The following PTPN13 variants were observed in gnomAD, a reference collection of about 807,000 sequenced individuals.
PTPN13 encodes the protein protein tyrosine phosphatase non-receptor type 13.
Under a neutral mutation model 284.0 loss-of-function variants are expected in PTPN13, and 191 were observed. That is an observed-to-expected ratio of 0.67 (90% CI 0.60 to 0.76). The LOEUF is 0.76. Ranked by LOEUF, PTPN13 falls within the 30% of genes least tolerant of loss-of-function variation. The probability of loss-of-function intolerance (pLI) is 0.00; values close to 1 mark genes in which losing one functional copy is unlikely to be tolerated. For missense variants in PTPN13, 2,797 were observed against 2,939.9 expected, an observed-to-expected ratio of 0.95 and a Z score of 1.12; for synonymous variants, 986 against 1,022.3, an observed-to-expected ratio of 0.96 and a Z score of 0.68.
At chr4:86,810,967 A>T in intron 46 of PTPN13, 79 bp from the exon 47 acceptor site, 1 of 1,378,194 alleles carries the variant, frequency 7.3e-7, no homozygotes, top group South Asian at 1.3e-5. Flanking sequence ...ATTTTACATA[A>T]GCCTCCCCTC....
rs561585573 is a variant in PTPN13, at chr4:86,752,879, T to C, written c.3167-130T>C. On this transcript the variant is annotated intron_variant, in intron 19 of 47. Coordinates refer to ENST00000411767, the MANE Select transcript of PTPN13 (RefSeq NM_080683.3). ...TGAAAATGCCCATTGGAGGATGTTT[T>C]CTCAGTGTAAATACAAAATGTTGCT... 3 of 503,180 alleles carry C rather than the reference T, an allele frequency of 6.0e-6. No homozygotes were observed. In the Admixed American group the frequency reaches 1.1e-4, roughly 18 times the overall value. 31.2% of individuals were successfully genotyped at this position (503,180 alleles called of 1,614,324 possible).
chr4:86,734,514 A>G, intron 13 of PTPN13, 58 bp downstream of exon 13: 6 of 1,398,384 alleles, frequency 4.3e-6, no homozygotes, highest in Non-Finnish European at 5.7e-6. Context: ...TTGACCCTTT[A>G]GCTTACTGAT....
At position 86,785,829 on chromosome 4, in the gene PTPN13, C is replaced by T. The variant is rs558440877; in HGVS notation, c.6257-19C>T. The T allele has an allele frequency of 6.9e-6, 10 of 1,459,852 alleles. No individual in the cohort carries two copies. The highest frequency in any genetic ancestry group is 1.3e-5 in the South Asian group (1 of 76,608). The allele number at this position is 1,459,852 out of a possible 1,614,324, so 90.4% of individuals were successfully genotyped here. On this transcript the variant is annotated intron_variant, in intron 39 of 47. Transcript: ENST00000411767. The stretch of plus-strand genomic sequence containing the variant: ...AATAGTTTTATAAATTCCTCTTGGC[C>T]TATATATTCCTCTCTCAGGTACATT...
At chr4:86,743,067 A>T (rs1433884716) in intron 16 of PTPN13, among the ~76,000 whole-genome samples, 1 of 151,946 alleles carries the variant, frequency 6.6e-6, no homozygotes, top group Non-Finnish European at 1.5e-5. Context: ...TTTTTCTTCT[A>T]CTAACCTCTG....
At chr4:86,814,215 C>T (rs1174856731) in intron 47 of PTPN13, among the ~76,000 whole-genome samples, 1 of 151,506 alleles carries the variant, frequency 6.6e-6, no homozygotes, top group African/African-American at 2.4e-5. Context: ...CCATGTTGGC[C>T]AGGATGGTCT....
At chr4:86,653,417 AGTATT>A (rs1271993384) in intron 2 of PTPN13, among the ~76,000 whole-genome samples, 1 of 151,696 alleles carries the variant, frequency 6.6e-6, no homozygotes, top group African/African-American at 2.4e-5. Context: ...AAGGGGATTG[AGTATT>A]GTGATCTAAG....
intron 23 of PTPN13, among the ~76,000 whole-genome samples, chr4:86,760,609 A>C (rs992702797): frequency 1.3e-5 from 2 of 152,188 alleles, no homozygotes; most frequent in African/African-American, 2.4e-5. Context: ...CAGATTTTTA[A>C]TTGTAACTAT....
intron 45 of PTPN13, 34 bp from the exon 46 acceptor site, chr4:86,809,735 G>A: frequency 6.5e-7 from 1 of 1,548,400 alleles, no homozygotes; most frequent in Non-Finnish European, 8.9e-7. Flanking sequence ...AATATAACAT[G>A]TCATGATCCA....
chr4:86,736,048 G>T (rs71605613), intron 15 of PTPN13, among the ~76,000 whole-genome samples: 1 of 152,070 alleles, frequency 6.6e-6, no homozygotes, highest in African/African-American at 2.4e-5. Context: ...ACATTATACA[G>T]AAGAAACAAA....
intron 40 of PTPN13, among the ~76,000 whole-genome samples, chr4:86,790,735 G>A (rs1192605155): frequency 2.0e-5 from 3 of 152,142 alleles, no homozygotes; most frequent in Admixed American, 6.5e-5. Context: ...TGGGTAAAGG[G>A]GAGATTATAA....
At chr4:86,782,317 T>A in intron 37 of PTPN13, 55 bp downstream of exon 37, 1 of 1,451,226 alleles carries the variant, frequency 6.9e-7, no homozygotes, top group Non-Finnish European at 9.7e-7. Flanking sequence ...AGGAACTGCA[T>A]GTTTGTGTTT....
chr4:86,771,146 A>T (rs755331072), intron 30 of PTPN13, 25 bp from the exon 31 acceptor site: 2 of 1,542,702 alleles, frequency 1.3e-6, no homozygotes, highest in Non-Finnish European at 1.7e-6. Flanking sequence ...ATGGTCACAA[A>T]TCTCTTTAAA....
At chr4:86,796,979 A>G (rs1364439419) in intron 41 of PTPN13, 50 bp downstream of exon 41, 2 of 1,108,556 alleles carry the variant, frequency 1.8e-6, no homozygotes, top group Non-Finnish European at 2.6e-6. Context: ...CTATCTATAA[A>G]TGCTCTGAAG....
intron 39 of PTPN13, 21 bp from the exon 40 acceptor site, chr4:86,785,827 G>A: frequency 6.9e-7 from 1 of 1,446,792 alleles, no homozygotes; most frequent in Middle Eastern, 1.8e-4. Flanking sequence ...ATTCCTCTTG[G>A]CCTATATATT....
At chr4:86,733,490 AT>A (rs1735169065) in intron 12 of PTPN13, among the ~76,000 whole-genome samples, 1 of 152,168 alleles carries the variant, frequency 6.6e-6, no homozygotes, top group Non-Finnish European at 1.5e-5. Context: ...CTAAAACTCT[AT>A]AAGCTCTTAA....
intron 6 of PTPN13, among the ~76,000 whole-genome samples, chr4:86,694,579 C>CAAAAAAAAAA (rs1000226646): frequency 3.1e-5 from 1 of 32,360 alleles, no homozygotes; most frequent in African/African-American, 1.2e-4. Context: ...ACTTCTGTCT[C>CAAAAAAAAAA]AAAAAAAAAA....
At chr4:86,739,520 T>G (rs1351558500) in intron 15 of PTPN13, among the ~76,000 whole-genome samples, 1 of 152,090 alleles carries the variant, frequency 6.6e-6, no homozygotes, top group Non-Finnish European at 1.5e-5. Context: ...GGGAAAGACC[T>G]GTCCCCATGA....
In PTPN13 at chr4:86,814,699, T is replaced by TA; in HGVS notation, c.*154dup. 1.7e-6 allele frequency: 1 copy of TA among 582,338 alleles called. No individual in the cohort carries two copies. Among genetic ancestry groups the TA allele is most frequent in the Non-Finnish European group, 3.0e-6 (1 of 330,628 alleles). 36.1% of individuals were successfully genotyped at this position (582,338 alleles called of 1,614,324 possible). A position where few individuals can be genotyped will look rare whatever the true frequency, so the allele number is the denominator to read the frequency against. ...CTTAGAGGGGTATTCTTCTTGAAAA[T>TA]AAAAAATATTGAAATGCTGTATTTT... On this transcript the variant is annotated 3_prime_UTR_variant, in exon 48 of 48. Coordinates refer to ENST00000411767, the MANE Select transcript of PTPN13 (RefSeq NM_080683.3).
chr4:86,665,421 CAAAT>C (rs987606655), intron 2 of PTPN13, among the ~76,000 whole-genome samples: 5 of 152,088 alleles, frequency 3.3e-5, no homozygotes, highest in Non-Finnish European at 2.9e-5. Context: ...CATGTGCATT[CAAAT>C]AAATGTCTTC....
Sources: allele counts gnomAD v4.1 joint callset (sites outside exome capture counted in the v4.1 genomes callset), GRCh38; gene constraint gnomAD v4.1.1; transcripts MANE v1.5; gene names NCBI Gene and HGNC (gene_info 2026-07-23, HGNC 2026-07-21).